The following ATP8A2 variants were observed in gnomAD, a reference collection of about 807,000 sequenced individuals.
ATP8A2 encodes the protein phospholipid-transporting ATPase IB.
Under a neutral mutation model 165.6 loss-of-function variants are expected in ATP8A2, and 100 were observed. The ratio of observed to expected loss-of-function variants is 0.60; its 90% CI spans 0.51 to 0.71. ATP8A2 has a LOEUF of 0.71. ATP8A2 is among the 30% of genes least tolerant of loss of function. ATP8A2 has a pLI of 0.00. For missense variants in ATP8A2, 1,227 were observed against 1,479.5 expected (o/e 0.83, Z 2.80); for synonymous variants, 543 against 548.8 (o/e 0.99, Z 0.15).
intron 32 of ATP8A2, 35 bp from the exon 33 acceptor site, chr13:25,862,266 G>A (rs537533941): frequency 1.4e-5 from 21 of 1,536,740 alleles, no homozygotes; most frequent in East Asian, 1.1e-4. Flanking sequence ...CAGGCTGGTC[G>A]AGAAGCCTGT....
At position 25,510,561 on chromosome 13, in the gene ATP8A2, G is replaced by A. The variant is rs534040748; in HGVS notation, c.222-19438G>A. On this transcript the variant is annotated intron_variant, in intron 2 of 36. Transcript: ENST00000381655. ...TCTCAAAGGAATACATACAAATGTT[G>A]CACTCTGAGTGCTGTACTCATGTTT... 1.8e-3 allele frequency among the ~76,000 whole-genome samples: 268 copies of A among 152,314 alleles called. 1 individual carries two copies. Among genetic ancestry groups the A allele is most frequent in the Admixed American group, 4.2e-3 (64 of 15,312 alleles).
chr13:25,440,330 C>A (rs1434013709), intron 1 of ATP8A2, among the ~76,000 whole-genome samples: 1 of 152,100 alleles, frequency 6.6e-6, no homozygotes, highest in African/African-American at 2.4e-5. Context: ...CTTCCTTCCC[C>A]TTTTTCCTTT....
intron 34 of ATP8A2, among the ~76,000 whole-genome samples, chr13:25,963,713 C>G (rs1055720748): frequency 6.6e-6 from 1 of 152,218 alleles, no homozygotes; most frequent in East Asian, 1.9e-4. Context: ...TAGCAATAGT[C>G]TCTTCCATCT....
At chr13:25,386,079 C>T (rs2137947161) in intron 1 of ATP8A2, among the ~76,000 whole-genome samples, 1 of 152,176 alleles carries the variant, frequency 6.6e-6, no homozygotes, top group African/African-American at 2.4e-5. Context: ...CCACACCTGG[C>T]TAATTTTTGT....
At chr13:25,456,377 G>A (rs1408761756) in intron 1 of ATP8A2, among the ~76,000 whole-genome samples, 1 of 152,212 alleles carries the variant, frequency 6.6e-6, no homozygotes. Context: ...TGGGAAGGCA[G>A]ACACATAAGC....
At chr13:25,774,981 C>T (rs1449045447) in intron 27 of ATP8A2, 22 bp downstream of exon 27, 3 of 1,356,252 alleles carry the variant, frequency 2.2e-6, no homozygotes, top group African/African-American at 2.9e-5. Context: ...TATTTTTTTT[C>T]CTTGAAGAGA....
intron 24 of ATP8A2, among the ~76,000 whole-genome samples, chr13:25,668,891 T>C (rs56978167): frequency 0.034 from 5,129 of 152,264 alleles, 157 homozygotes; most frequent in East Asian, 0.13. Context: ...TGATTCGTTT[T>C]TATAATTTCT....
At chr13:25,840,928 A>G (rs1212230868) in intron 30 of ATP8A2, among the ~76,000 whole-genome samples, 3 of 152,152 alleles carry the variant, frequency 2.0e-5, no homozygotes, top group Non-Finnish European at 4.4e-5. Flanking sequence ...AGCCACAAGT[A>G]CTCTCTGAAG....
At chr13:25,620,164 A>T (rs192308063) in intron 24 of ATP8A2, among the ~76,000 whole-genome samples, 6 of 152,324 alleles carry the variant, frequency 3.9e-5, no homozygotes, top group Admixed American at 1.3e-4. Flanking sequence ...GGATCAGTAA[A>T]TACATTCTCT....
rs372574021 is a variant in ATP8A2 at position 25,535,708 on chromosome 13, A to G, written c.508-2280A>G. ...TGCGTGTCTGTAATCCCAGCTACTCAGGAGGATGAGGTGGGAGGATCACTT... is the reference window on the plus strand; with the variant it reads ...TGCGTGTCTGTAATCCCAGCTACTCGGGAGGATGAGGTGGGAGGATCACTT... On this transcript the variant is annotated intron_variant, in intron 6 of 36. Coordinates refer to ENST00000381655, the MANE Select transcript of ATP8A2 (RefSeq NM_016529.6). Among the ~76,000 whole-genome samples the G allele has an allele frequency of 1.7e-4, 26 of 152,164 alleles. No homozygotes were observed. The East Asian group carries it at 4.7e-3, about 27-fold the overall frequency.
At chr13:25,838,830 C>G (rs1951688653) in intron 29 of ATP8A2, among the ~76,000 whole-genome samples, 1 of 151,874 alleles carries the variant, frequency 6.6e-6, no homozygotes, top group African/African-American at 2.4e-5. Context: ...GTGAGCAACG[C>G]AGAAGACAGG....
At chr13:25,379,736 G>A (rs148557916) in intron 1 of ATP8A2, among the ~76,000 whole-genome samples, 3 of 152,158 alleles carry the variant, frequency 2.0e-5, no homozygotes, top group Non-Finnish European at 4.4e-5. Flanking sequence ...CCTGCTAAGC[G>A]TGTAAGATAG....
chr13:25,533,374 T>C (rs747233173), intron 6 of ATP8A2, 61 bp downstream of exon 6: 395 of 914,192 alleles, frequency 4.3e-4, no homozygotes, highest in Non-Finnish European at 2.8e-4. Flanking sequence ...AATGAATTGC[T>C]GGTCTTGATT....
intron 24 of ATP8A2, among the ~76,000 whole-genome samples, chr13:25,620,881 A>C (rs2040950626): frequency 6.6e-6 from 1 of 152,214 alleles, no homozygotes; most frequent in South Asian, 2.1e-4. Context: ...ACTGCTTTTT[A>C]GTAAAATTGT....
At chr13:25,854,392 G>A (rs986134717) in intron 30 of ATP8A2, among the ~76,000 whole-genome samples, 20 of 152,176 alleles carry the variant, frequency 1.3e-4, no homozygotes, top group African/African-American at 4.6e-4. Flanking sequence ...CTGGAGTGCA[G>A]TGGTGTGATC....
rs2038938695 is a variant in ATP8A2 at position 25,554,996 on chromosome 13, A to G, written c.1191A>G (p.Thr397=). The G allele has an allele frequency of 4.4e-6, 7 of 1,596,714 alleles. No individual in the cohort carries two copies. Among genetic ancestry groups the G allele is most frequent in the Non-Finnish European group, 6.0e-6 (7 of 1,165,318 alleles). ...TCTTGTTCTCTCTCTCTCAGGACAC[A>G]GATATGTATTATATAGGAAATGACA... is the stretch of plus-strand genomic sequence containing the variant. ...YTQALFINWD[T]DMYYIGNDTP... The change falls in exon 13 of 37, where the codon ACA becomes ACG. Residue 397 remains threonine (T), a synonymous_variant. Coordinates refer to ENST00000381655, the MANE Select transcript of ATP8A2 (RefSeq NM_016529.6).
At chr13:25,786,173 CT>C (rs2045021062) in intron 27 of ATP8A2, among the ~76,000 whole-genome samples, 1 of 152,244 alleles carries the variant, frequency 6.6e-6, no homozygotes, top group East Asian at 1.9e-4. Context: ...ACTCATCTCT[CT>C]TCTGGTAAAT....
intron 24 of ATP8A2, among the ~76,000 whole-genome samples, chr13:25,623,488 C>CT (rs1212745160): frequency 6.6e-6 from 1 of 151,914 alleles, no homozygotes; most frequent in Non-Finnish European, 1.5e-5. Flanking sequence ...GGTTTTCCAC[C>CT]TTTTTTTGTG....
At chr13:25,980,426 G>T (rs1956152237) in intron 35 of ATP8A2, among the ~76,000 whole-genome samples, 1 of 152,118 alleles carries the variant, frequency 6.6e-6, no homozygotes, top group East Asian at 1.9e-4. Context: ...AACGTTCCAG[G>T]CACCAGAATT....
Sources: allele counts gnomAD v4.1 joint callset (sites outside exome capture counted in the v4.1 genomes callset), GRCh38; gene constraint gnomAD v4.1.1; transcripts MANE v1.5; gene names NCBI Gene and HGNC (gene_info 2026-07-23, HGNC 2026-07-21).